Variants in MTFR1 observed in about 807,000 individuals in gnomAD.
MTFR1 encodes the protein chondrocyte protein with a poly-proline region.
A neutral mutation model predicts 38.8 loss-of-function variants in MTFR1; 28 were observed. The observed-to-expected ratio is 0.72, with a 90% CI of 0.53 to 0.99. The LOEUF is 0.99. Among genes scored for constraint, MTFR1 ranks in the 50% least tolerant of loss-of-function variants. MTFR1 has a pLI of 0.00. For synonymous variants in MTFR1, 145 were observed against 137.0 expected, an observed-to-expected ratio of 1.06 and a Z score of -0.41; for missense variants, 358 against 395.5, an observed-to-expected ratio of 0.91 and a Z score of 0.81.
chr8:65,733,262 C>A (rs554703021), intron 3 of MTFR1, among the ~76,000 whole-genome samples: 4 of 152,266 alleles, frequency 2.6e-5, no homozygotes, highest in Non-Finnish European at 5.9e-5. Context: ...ATTTCCCTGC[C>A]CCTGGCTTGG....
At chr8:65,688,505 G>A (rs1805168106) in intron 3 of MTFR1, among the ~76,000 whole-genome samples, 1 of 146,146 alleles carries the variant, frequency 6.8e-6, no homozygotes. Context: ...CTGGAGTGCA[G>A]TGGCGCAATC....
rs1006860902 is a variant in MTFR1, at chr8:65,765,271, C to T, written c.*49-5676C>T. On this transcript the variant is annotated intron_variant, in intron 3 of 3. Coordinates refer to the MTFR1 transcript ENST00000521247. Reference sequence around the variant, plus strand: ...TTGGGAGGCCGAGGCGGGCGGATCACGAGGTCAGGAGATCGAGACCATCCC... The same window carrying T: ...TTGGGAGGCCGAGGCGGGCGGATCATGAGGTCAGGAGATCGAGACCATCCC... Among the ~76,000 whole-genome samples the T allele has an allele frequency of 7.2e-4, 109 of 151,604 alleles. 1 individual carries two copies. Among genetic ancestry groups the T allele is most frequent in the African/African-American group, 2.5e-3 (105 of 41,380 alleles).
chr8:65,661,994 GCCCTCT>G (rs1054441860), intron 1 of MTFR1, among the ~76,000 whole-genome samples: 11 of 143,640 alleles, frequency 7.7e-5, no homozygotes, highest in Admixed American at 1.5e-4. Context: ...AAGAGCAAAA[GCCCTCT>G]CCCTCTCCCT....
chr8:65,684,625 T>A (rs1307217738), intron 3 of MTFR1, among the ~76,000 whole-genome samples: 1 of 151,468 alleles, frequency 6.6e-6, no homozygotes, highest in Non-Finnish European at 1.5e-5. Flanking sequence ...CCACAGGTGA[T>A]CCATCCGCCT....
intron 3 of MTFR1, among the ~76,000 whole-genome samples, chr8:65,693,364 T>C (rs992554523): frequency 3.3e-5 from 5 of 151,436 alleles, no homozygotes; most frequent in Non-Finnish European, 7.4e-5. Flanking sequence ...ATAGAGCCAC[T>C]GCACTCCAGC....
chr8:65,771,069 T>C, exon 4 of MTFR1: 2 of 373,144 alleles, frequency 5.4e-6, no homozygotes, highest in Non-Finnish European at 1.1e-5. Flanking sequence ...CCACAATAAT[T>C]CATGGTAGGA....
chr8:65,696,185 A>G (rs1400023279), intron 4 of MTFR1, among the ~76,000 whole-genome samples: 2 of 152,230 alleles, frequency 1.3e-5, no homozygotes, highest in Non-Finnish European at 2.9e-5. Context: ...TTAGCTGGAT[A>G]AAATAAGAAT....
intron 3 of MTFR1, among the ~76,000 whole-genome samples, chr8:65,767,084 T>C (rs1416463541): frequency 3.3e-5 from 5 of 152,172 alleles, no homozygotes; most frequent in African/African-American, 1.2e-4. Context: ...AAAAAAGGTA[T>C]ATATTAAATA....
intron 3 of MTFR1, among the ~76,000 whole-genome samples, chr8:65,761,758 G>C (rs1397082940): frequency 1.3e-5 from 2 of 152,134 alleles, no homozygotes; most frequent in Non-Finnish European, 2.9e-5. Flanking sequence ...ACAAAAAGTG[G>C]GATAGCAGAC....
intron 3 of MTFR1, chr8:65,728,476 A>G (rs1214034044): frequency 6.6e-6 from 1 of 152,254 alleles, no homozygotes; most frequent in African/African-American, 2.4e-5. Context: ...GCAGAGATGC[A>G]TATTATTTAT....
intron 1 of MTFR1, among the ~76,000 whole-genome samples, chr8:65,645,700 C>A (rs538263642): frequency 1.5e-5 from 2 of 132,780 alleles, no homozygotes; most frequent in South Asian, 4.0e-4. Flanking sequence ...TTTCCCCCCC[C>A]CCCCCCTTTG....
intron 3 of MTFR1, among the ~76,000 whole-genome samples, chr8:65,760,225 G>C (rs1354533478): frequency 6.6e-6 from 1 of 152,166 alleles, no homozygotes; most frequent in Non-Finnish European, 1.5e-5. Flanking sequence ...GGGCAAGAGT[G>C]AGACTCCTCA....
At chr8:65,662,320 C>T (rs554820338) in intron 1 of MTFR1, among the ~76,000 whole-genome samples, 1 of 152,146 alleles carries the variant, frequency 6.6e-6, no homozygotes, top group Admixed American at 6.5e-5. Context: ...GGCTGGTCTC[C>T]AGCTCCTAAC....
chr8:65,702,704 G>A (rs16932299), intron 4 of MTFR1, among the ~76,000 whole-genome samples: 1,987 of 152,082 alleles, frequency 0.013, 44 homozygotes, highest in African/African-American at 0.046. Flanking sequence ...AATCATTTTG[G>A]GAATAGGGCA....
In MTFR1 at chr8:65,671,313, G is replaced by A. The variant is rs552167316; in HGVS notation, c.66+1295G>A. Reference sequence around the variant, plus strand: ...TTTGGGAGACAGAGGCAGGAGGATGGCTGGAGCCTAGGAATTCGAGACCAT... The same window carrying A: ...TTTGGGAGACAGAGGCAGGAGGATGACTGGAGCCTAGGAATTCGAGACCAT... On this transcript the variant is annotated intron_variant, in intron 2 of 7. Transcript: ENST00000262146. Among the ~76,000 whole-genome samples, 13 of 152,162 alleles carry A rather than the reference G, an allele frequency of 8.5e-5. No homozygotes were observed. In the South Asian group the frequency reaches 2.7e-3, roughly 32 times the overall value.
At chr8:65,661,241 G>C (rs1237966444) in intron 1 of MTFR1, among the ~76,000 whole-genome samples, 2 of 152,228 alleles carry the variant, frequency 1.3e-5, no homozygotes, top group African/African-American at 2.4e-5. Flanking sequence ...GTCACTGTAG[G>C]TTCATCCATT....
At chr8:65,753,062 G>A (rs998691518) in intron 3 of MTFR1, among the ~76,000 whole-genome samples, 1 of 152,030 alleles carries the variant, frequency 6.6e-6, no homozygotes, top group Non-Finnish European at 1.5e-5. Flanking sequence ...TAAAGCTATT[G>A]TTTAATTTAA....
chr8:65,644,204 A>G (rs535895573), upstream of MTFR1, among the ~76,000 whole-genome samples: 27 of 152,312 alleles, frequency 1.8e-4, no homozygotes, highest in Non-Finnish European at 3.4e-4. Context: ...ATCGGACTGA[A>G]CAGACGCTGG....
intron 3 of MTFR1, among the ~76,000 whole-genome samples, chr8:65,733,357 C>T (rs80322153): frequency 0.04 from 6,080 of 152,228 alleles, 176 homozygotes; most frequent in Non-Finnish European, 0.062. Context: ...GAACTTATTA[C>T]CATCTTTCCA....
Sources: allele counts gnomAD v4.1 joint callset (sites outside exome capture counted in the v4.1 genomes callset), GRCh38; gene constraint gnomAD v4.1.1; transcripts MANE v1.5; gene names NCBI Gene and HGNC (gene_info 2026-07-23, HGNC 2026-07-21).